Variants in AFF3 observed in about 807,000 individuals in gnomAD.
AFF3 encodes the protein ALF transcription elongation factor 3, also known as AF4/FMR2 family member 3.
A neutral mutation model predicts 129.7 loss-of-function variants in AFF3; 32 were observed. The observed-to-expected ratio is 0.25, with a 90% confidence interval of 0.19 to 0.33. AFF3 has a LOEUF of 0.33. Among genes scored for constraint, AFF3 ranks in the 10% least tolerant of loss-of-function variants. The pLI is 1.00. For synonymous variants in AFF3, 644 were observed against 635.4 expected (o/e 1.01, Z -0.20); for missense variants, 1,373 against 1,592.0 (o/e 0.86, Z 2.34).
intron 8 of AFF3, among the ~76,000 whole-genome samples, chr2:99,811,333 A>G (rs1686772653): frequency 6.6e-6 from 1 of 152,176 alleles, no homozygotes; most frequent in Non-Finnish European, 1.5e-5. Context: ...TTTGGTTAGA[A>G]CCTCTCAGCT....
chr2:99,596,384 A>T (rs140668811), intron 14 of AFF3, among the ~76,000 whole-genome samples: 1 of 152,298 alleles, frequency 6.6e-6, no homozygotes, highest in African/African-American at 2.4e-5. Flanking sequence ...ATTAGCTGAG[A>T]GTGCCTGAAA....
chr2:99,924,468 G>A (rs1462922579), intron 7 of AFF3, among the ~76,000 whole-genome samples: 1 of 152,132 alleles, frequency 6.6e-6, no homozygotes, highest in African/African-American at 2.4e-5. Context: ...ATATGTAGTA[G>A]GCTCTAAGTT....
At chr2:100,031,231 G>A (rs1313539618) in intron 4 of AFF3, among the ~76,000 whole-genome samples, 1 of 152,142 alleles carries the variant, frequency 6.6e-6, no homozygotes, top group Non-Finnish European at 1.5e-5. Context: ...TGCTATACAT[G>A]CATACTGGAA....
intron 13 of AFF3, among the ~76,000 whole-genome samples, chr2:99,645,827 C>T (rs1489795515): frequency 6.6e-6 from 1 of 152,186 alleles, no homozygotes; most frequent in Non-Finnish European, 1.5e-5. Context: ...TCTAAACTGT[C>T]AGATATTGGA....
At chr2:99,733,790 C>T (rs180687203) in intron 10 of AFF3, among the ~76,000 whole-genome samples, 192 of 152,284 alleles carry the variant, frequency 1.3e-3, no homozygotes, top group African/African-American at 4.5e-3. Context: ...TACTCACTCA[C>T]TTTCATTGCT....
At chr2:99,672,207 CACACACACACACACACACACACACAT>C (rs1558729284) in intron 12 of AFF3, among the ~76,000 whole-genome samples, 711 of 30,490 alleles carry the variant, frequency 0.023, 16 homozygotes, top group African/African-American at 0.12. Flanking sequence ...CACACACACA[CACACACACACACACACACACACACAT>C]GAATAAATAA....
intron 14 of AFF3, among the ~76,000 whole-genome samples, chr2:99,598,757 T>C (rs2105044904): frequency 6.6e-6 from 1 of 152,282 alleles, no homozygotes; most frequent in South Asian, 2.1e-4. Flanking sequence ...AAAAGGAGTC[T>C]TACAGCTCTC....
At chr2:99,728,075 C>T (rs184126046) in intron 10 of AFF3, among the ~76,000 whole-genome samples, 5 of 152,244 alleles carry the variant, frequency 3.3e-5, no homozygotes, top group East Asian at 1.9e-4. Flanking sequence ...ACGAGTTGTA[C>T]GTAGTTGGGG....
chr2:99,676,704 G>A (rs1673956370), intron 11 of AFF3, among the ~76,000 whole-genome samples: 1 of 152,196 alleles, frequency 6.6e-6, no homozygotes, highest in African/African-American at 2.4e-5. Flanking sequence ...TTAAAACAGG[G>A]CCATTTGCTC....
chr2:99,836,908 C>T (rs1688922049), intron 8 of AFF3, among the ~76,000 whole-genome samples: 1 of 152,140 alleles, frequency 6.6e-6, no homozygotes, highest in Admixed American at 6.5e-5. Context: ...TGTGGTGGAA[C>T]AGCCCAACCT....
Position 99,593,990 on chromosome 2 carries a change from CGCCACG to C in AFF3, c.1665_1670del (p.Ala557_Val558del). 1 of 1,531,366 alleles carries C rather than the reference CGCCACG, an allele frequency of 6.5e-7. No homozygotes were observed. Among genetic ancestry groups the C allele is most frequent in the Non-Finnish European group, 8.8e-7 (1 of 1,141,260 alleles). The allele number at this position is 1,531,366 out of a possible 1,614,324, so 94.9% of individuals were successfully genotyped here. On this transcript the variant is annotated inframe_deletion, in exon 15 of 25. Coordinates refer to ENST00000672756, the MANE Select transcript of AFF3 (RefSeq NM_001386135.1). ...CGGGTGGCGGGGCGGCTGCGCTCAC[CGCCACG>C]GCCACGGCCGCGGGCGGGGACTTCT...
chr2:99,964,273 T>C (rs2104358005), intron 7 of AFF3, among the ~76,000 whole-genome samples: 1 of 152,250 alleles, frequency 6.6e-6, no homozygotes. Context: ...TGACATATAT[T>C]TTAAAACTCT....
At position 99,859,341 on chromosome 2, in the gene AFF3, C is replaced by G. The variant is rs141065220; in HGVS notation, c.874-21817G>C. Among the ~76,000 whole-genome samples, 234 of 152,288 alleles carry G rather than the reference C, an allele frequency of 1.5e-3. 1 individual carries two copies. The highest frequency in any genetic ancestry group is 5.4e-3 in the African/African-American group (225 of 41,570). On this transcript the variant is annotated intron_variant, in intron 7 of 24. Coordinates refer to ENST00000672756, the MANE Select transcript of AFF3 (RefSeq NM_001386135.1). ...TTTTCTTTTGAGAGTGGTCTGGGAA[C>G]CACCGGCGGCACAAGCATTTAGAAC...
chr2:99,814,743 TC>T (rs1687083747), intron 8 of AFF3, among the ~76,000 whole-genome samples: 1 of 150,828 alleles, frequency 6.6e-6, no homozygotes, highest in African/African-American at 2.5e-5. Flanking sequence ...GGCAACCATG[TC>T]CCTCCACCCC....
chr2:99,761,845 C>T (rs1320578706), intron 8 of AFF3, among the ~76,000 whole-genome samples: 1 of 152,074 alleles, frequency 6.6e-6, no homozygotes, highest in Non-Finnish European at 1.5e-5. Flanking sequence ...TTCCAGTGAC[C>T]CCGGTCCAAT....
intron 7 of AFF3, among the ~76,000 whole-genome samples, chr2:99,995,705 C>A (rs1680779315): frequency 6.6e-6 from 1 of 152,084 alleles, no homozygotes; most frequent in South Asian, 2.1e-4. Flanking sequence ...TAACTCTAAT[C>A]TTTGGTAACA....
chr2:99,688,809 G>A (rs1435769863), intron 11 of AFF3, among the ~76,000 whole-genome samples: 2 of 152,090 alleles, frequency 1.3e-5, no homozygotes, highest in Non-Finnish European at 2.9e-5. Flanking sequence ...TGGCTTCCTG[G>A]AGGCTCGAGC....
At chr2:100,085,304 G>A (rs1229482779) in intron 4 of AFF3, among the ~76,000 whole-genome samples, 2 of 146,674 alleles carry the variant, frequency 1.4e-5, no homozygotes, top group East Asian at 2.0e-4. Context: ...AGAGAGTCAC[G>A]TGACGTAAAA....
At chr2:99,703,164 TC>T (rs1677033679) in intron 11 of AFF3, among the ~76,000 whole-genome samples, 1 of 152,186 alleles carries the variant, frequency 6.6e-6, no homozygotes, top group South Asian at 2.1e-4. Context: ...CTGTGTTCCT[TC>T]TGAGGCCTCT....
Sources: gnomAD v4.1 joint callset for allele counts (sites outside exome capture counted in the v4.1 genomes callset) on GRCh38, gnomAD v4.1.1 for gene constraint, MANE v1.5 for transcripts, NCBI Gene and HGNC (gene_info 2026-07-23, HGNC 2026-07-21) for gene names.